IFI16: variants seen among roughly 807,000 people sequenced by gnomAD.
The protein encoded by IFI16 is gamma-interferon-inducible protein 16.
In IFI16, 49 loss-of-function variants were observed where a neutral mutation model predicts 68.4. That is an observed-to-expected ratio of 0.72 (90% CI 0.57 to 0.91). The LOEUF (loss-of-function observed/expected upper bound fraction) is 0.91, where lower values mean the gene tolerates loss of function less well. IFI16 is among the 40% of genes least tolerant of loss of function. The pLI is 0.00. For synonymous variants in IFI16, 307 were observed against 315.0 expected (o/e 0.97, Z 0.27); for missense variants, 878 against 942.9 (o/e 0.93, Z 0.90).
At chr1:159,030,989 C>T (rs12059564) in intron 6 of IFI16, among the ~76,000 whole-genome samples, 35,143 of 151,640 alleles carry the variant, frequency 0.23, 5,051 homozygotes, top group East Asian at 0.44. Flanking sequence ...GCTCAGATTC[C>T]CCTTGGACAG....
At chr1:159,007,698 C>G (rs1358040341), upstream of IFI16, among the ~76,000 whole-genome samples, 2 of 152,048 alleles carry the variant, frequency 1.3e-5, no homozygotes, top group Non-Finnish European at 2.9e-5. Flanking sequence ...GAAGAGGTAT[C>G]AGAGAGTGCT....
chr1:159,026,590 C>T (rs1321957929), intron 6 of IFI16, among the ~76,000 whole-genome samples: 1 of 152,068 alleles, frequency 6.6e-6, no homozygotes, highest in Non-Finnish European at 1.5e-5. Context: ...TGAGCCACTG[C>T]GCCCGGCCAA....
intron 9 of IFI16, 67 bp from the exon 10 acceptor site, chr1:159,051,612 C>T (rs1571898589): frequency 7.7e-7 from 1 of 1,291,388 alleles, no homozygotes; most frequent in East Asian, 2.3e-5. Flanking sequence ...TGAGATGACT[C>T]TCACTAGAGA....
At chr1:159,044,011 T>G (rs536434901) in intron 7 of IFI16, among the ~76,000 whole-genome samples, 1 of 152,136 alleles carries the variant, frequency 6.6e-6, no homozygotes, top group Non-Finnish European at 1.5e-5. Context: ...GCATGAAATA[T>G]CTGTTCACCG....
At chr1:159,010,675 T>A (rs1204662463) in intron 1 of IFI16, among the ~76,000 whole-genome samples, 2 of 152,216 alleles carry the variant, frequency 1.3e-5, no homozygotes, top group Non-Finnish European at 2.9e-5. Flanking sequence ...CAAACACAGT[T>A]ACTCAAGCAC....
intron 7 of IFI16, among the ~76,000 whole-genome samples, chr1:159,034,697 T>C (rs1219494971): frequency 6.6e-6 from 1 of 152,186 alleles, no homozygotes; most frequent in Non-Finnish European, 1.5e-5. Flanking sequence ...CGTTTCAGAT[T>C]AGGTGAGATC....
chr1:159,037,180 A>G (rs758866214), intron 7 of IFI16, among the ~76,000 whole-genome samples: 3 of 152,202 alleles, frequency 2.0e-5, no homozygotes, highest in Non-Finnish European at 4.4e-5. Flanking sequence ...ACAGTTTCAA[A>G]GTTCCCAATT....
chr1:159,051,714 T>G lies in IFI16; in HGVS notation c.1701T>G (p.Val567=). 1 of 1,612,956 alleles carries G rather than the reference T, an allele frequency of 6.2e-7. No individual in the cohort carries two copies. ...KPRLKTEPEE[V]SIEDSAQSDL... ...GACTGAAGACTGAACCTGAAGAAGT[T>G]TCCATAGAAGACAGTGCCCAGAGTG... The change falls in exon 10 of 12, where the codon GTT becomes GTG. Residue 567 remains valine (V), a synonymous_variant. Transcript: ENST00000295809.
intron 7 of IFI16, among the ~76,000 whole-genome samples, chr1:159,039,687 A>G (rs767850890): frequency 2.6e-5 from 4 of 152,238 alleles, no homozygotes; most frequent in East Asian, 1.9e-4. Context: ...AAAAGACTCA[A>G]TCTTTTCCTG....
At chr1:159,044,072 G>A (rs1442287889) in intron 7 of IFI16, among the ~76,000 whole-genome samples, 1 of 152,032 alleles carries the variant, frequency 6.6e-6, no homozygotes, top group East Asian at 1.9e-4. Context: ...TAGCAACAAA[G>A]ATTTATTTAT....
chr1:159,002,169 G>T (rs1315721905), upstream of IFI16, among the ~76,000 whole-genome samples: 1 of 152,082 alleles, frequency 6.6e-6, no homozygotes, highest in Non-Finnish European at 1.5e-5. Flanking sequence ...AAATTAGGTG[G>T]CATGAGTTAC....
At chr1:159,049,207 AT>A (rs1014898973) in intron 8 of IFI16, among the ~76,000 whole-genome samples, 1 of 149,046 alleles carries the variant, frequency 6.7e-6, no homozygotes, top group African/African-American at 2.5e-5. Context: ...TCCCCAGACA[AT>A]GCAATTTCAG....
chr1:159,025,403 T>C (rs1244779831), intron 6 of IFI16, among the ~76,000 whole-genome samples: 2 of 152,232 alleles, frequency 1.3e-5, no homozygotes, highest in Non-Finnish European at 2.9e-5. Flanking sequence ...AATTTTACCT[T>C]TATATTAATG....
At chr1:159,024,037 C>T (rs1414350257) in intron 6 of IFI16, among the ~76,000 whole-genome samples, 1 of 152,196 alleles carries the variant, frequency 6.6e-6, no homozygotes, top group African/African-American at 2.4e-5. Flanking sequence ...ATGAGGAGAC[C>T]GTCCGAGTGG....
chr1:159,053,425 C>T (rs549383804), intron 10 of IFI16, 108 bp from the exon 11 acceptor site: 1 of 708,138 alleles, frequency 1.4e-6, no homozygotes. Context: ...ACCTACAGCT[C>T]TGTTTACTCT....
chr1:159,050,409 G>A lies in IFI16; in HGVS notation c.1665+810G>A, dbSNP rs369822484. On this transcript the variant is annotated intron_variant, in intron 9 of 11. Transcript: ENST00000295809. ...TAGGTTCTGTGCACCTTGTGTCAGG[G>A]TACTGATGTCATGGCTATTGTGAGG... is the stretch of plus-strand genomic sequence containing the variant. Among the ~76,000 whole-genome samples, 66 of 152,280 alleles carry A rather than the reference G, an allele frequency of 4.3e-4. 1 individual carries two copies. Among genetic ancestry groups the A allele is most frequent in the African/African-American group, 1.6e-3 (65 of 41,542 alleles).
At chr1:159,048,194 C>G (rs1333045597) in intron 8 of IFI16, among the ~76,000 whole-genome samples, 4 of 151,286 alleles carry the variant, frequency 2.6e-5, no homozygotes, top group Admixed American at 2.0e-4. Flanking sequence ...GACACGCAAA[C>G]CCCTAATAGA....
At chr1:159,049,637 CTATA>C in intron 9 of IFI16, 38 bp downstream of exon 9, 1 of 1,612,106 alleles carries the variant, frequency 6.2e-7, no homozygotes, top group Non-Finnish European at 8.5e-7. Flanking sequence ...CCCCTCGCTA[CTATA>C]TAATGACAAG....
intron 5 of IFI16, among the ~76,000 whole-genome samples, chr1:159,019,261 C>CA (rs71757653): frequency 0.034 from 4,873 of 142,424 alleles, 184 homozygotes; most frequent in African/African-American, 0.096. Flanking sequence ...ATATAAATAA[C>CA]AAAAAAAAAA....
Sources: allele counts gnomAD v4.1 joint callset (sites outside exome capture counted in the v4.1 genomes callset), GRCh38; gene constraint gnomAD v4.1.1; transcripts MANE v1.5; gene names NCBI Gene and HGNC (gene_info 2026-07-23, HGNC 2026-07-21).